The following DHX30 variants were observed in gnomAD, a reference collection of about 807,000 sequenced individuals.
DHX30 encodes the protein ATP-dependent RNA helicase DHX30.
Under a neutral mutation model 116.9 loss-of-function variants are expected in DHX30, and 4 were observed. The observed-to-expected ratio is 0.03, with a 90% CI of 0.02 to 0.08. DHX30 has a LOEUF of 0.08. DHX30 is among the 10% of genes least tolerant of loss of function. The pLI, the probability that DHX30 is intolerant of heterozygous loss-of-function variation, is 1.00. For synonymous variants in DHX30, 697 were observed against 651.7 expected (o/e 1.07, Z -1.06); for missense variants, 871 against 1,595.1 (o/e 0.55, Z 7.73).
chr3:47,814,987 G>A (rs1381238077), intron 3 of DHX30, among the ~76,000 whole-genome samples: 1 of 151,730 alleles, frequency 6.6e-6, no homozygotes, highest in African/African-American at 2.4e-5. Flanking sequence ...GCCTCCCAAA[G>A]TGTTGGGACT....
At chr3:47,832,407 G>A (rs1178646943) in intron 6 of DHX30, among the ~76,000 whole-genome samples, 4 of 152,124 alleles carry the variant, frequency 2.6e-5, no homozygotes, top group African/African-American at 9.7e-5. Flanking sequence ...GGCAGGTCTT[G>A]AACTCCAGAG....
At position 47,841,027 on chromosome 3, in the gene DHX30, A is replaced by G. The variant is rs115678925; in HGVS notation, c.517A>G (p.Ile173Val). ...TSWRQLNPES[I>V]RPGGPGGLSR... ...CTGGCGGCAGCTGAATCCAGAGAGTATTCGACCAGGGGGACCTGGGGGCCT... is the reference window on the plus strand; with the variant it reads ...CTGGCGGCAGCTGAATCCAGAGAGTGTTCGACCAGGGGGACCTGGGGGCCT... Residue 173 changes from isoleucine (I) to valine (V), a missense_variant, in exon 7 of 22, where the codon ATT becomes GTT. Physicochemically the swap from Ile to Val is conservative, Grantham distance 29. Coordinates refer to ENST00000445061, the MANE Select transcript of DHX30 (RefSeq NM_138615.3). 635 of 1,614,188 alleles carry G rather than the reference A, an allele frequency of 3.9e-4. 2 individuals carry two copies. In the African/African-American group the frequency reaches 7.7e-3, roughly 19 times the overall value.
At chr3:47,824,202 C>T (rs1456360989) in intron 4 of DHX30, among the ~76,000 whole-genome samples, 1 of 151,882 alleles carries the variant, frequency 6.6e-6, no homozygotes, top group African/African-American at 2.4e-5. Flanking sequence ...GGGGTTTCAC[C>T]ATGTTGGCCA....
chr3:47,819,126 C>A (rs941762927), intron 4 of DHX30: 1 of 943,696 alleles, frequency 1.1e-6, no homozygotes, highest in African/African-American at 1.7e-5. Context: ...TTCTAGCCCC[C>A]TGACCATTTG....
rs1176822183 is a variant in DHX30 at position 47,840,922 on chromosome 3, A to C, written c.412A>C (p.Lys138Gln). 6.2e-7 allele frequency: 1 copy of C among 1,614,238 alleles called. No individual in the cohort carries two copies. Among genetic ancestry groups the C allele is most frequent in the Non-Finnish European group, 8.5e-7 (1 of 1,180,046 alleles). The change falls in exon 7 of 22, where the codon AAA (lysine) becomes CAA (glutamine). Residue 138 changes from lysine to glutamine, a missense_variant. Physicochemically the swap from Lys to Gln is moderately conservative, Grantham distance 53. This residue lies in a region of DHX30 where 66 missense variants were observed against 153.9 expected (regional missense o/e 0.43). Coordinates refer to ENST00000445061, the MANE Select transcript of DHX30 (RefSeq NM_138615.3). ...GPRNELFDAA[K>Q]YRVLADRFGS... ...CCGGAATGAGTTGTTTGACGCAGCC[A>C]AATACCGAGTGCTAGCTGATCGCTT...
In DHX30 at chr3:47,850,022, A is replaced by T. The variant is rs776692867; in HGVS notation, c.3487A>T (p.Ser1163Cys). 125 of 1,609,814 alleles carry T rather than the reference A, an allele frequency of 7.8e-5. No homozygotes were observed. The highest frequency in any genetic ancestry group is 1.1e-5 in the Non-Finnish European group (13 of 1,178,974). The change falls in exon 22 of 22, where the codon AGC becomes TGC. Residue 1163 changes from serine (S) to cysteine (C), a missense_variant. Transcript: ENST00000445061. ...CAGCGAGCTGGCTGCACTTCCCCCC[A>T]GCGTACAGGAGGAGCACGGGCAGCT... ...LRSELAALPP[S>C]VQEEHGQLLA...
chr3:47,822,820 G>A (rs753051729), intron 4 of DHX30, among the ~76,000 whole-genome samples: 1 of 151,548 alleles, frequency 6.6e-6, no homozygotes, highest in Non-Finnish European at 1.5e-5. Context: ...AAGGCCAGGC[G>A]CAGTGGCCCA....
chr3:47,832,017 A>G (rs982038227), intron 6 of DHX30, among the ~76,000 whole-genome samples: 1 of 131,490 alleles, frequency 7.6e-6, no homozygotes, highest in Non-Finnish European at 1.6e-5. Context: ...ATGAATGGTT[A>G]TATCTGGAGG....
chr3:47,835,169 A>C (rs1195379451), intron 6 of DHX30, among the ~76,000 whole-genome samples: 1 of 128,138 alleles, frequency 7.8e-6, no homozygotes, highest in Non-Finnish European at 1.6e-5. Context: ...ATGCCTGGCT[A>C]ATTTTTTTTT....
At chr3:47,818,204 A>G in intron 4 of DHX30, 87 bp downstream of exon 4, 1 of 715,668 alleles carries the variant, frequency 1.4e-6, no homozygotes, top group South Asian at 1.5e-5. Context: ...TGCCAGGGCC[A>G]CAGCCCTCCA....
At chr3:47,818,192 G>C in intron 4 of DHX30, 75 bp downstream of exon 4, 1 of 733,748 alleles carries the variant, frequency 1.4e-6, no homozygotes, top group South Asian at 1.5e-5. Flanking sequence ...TGGGAGCCCT[G>C]GTGCCAGGGC....
chr3:47,846,063 T>A, intron 10 of DHX30, 102 bp from the exon 11 acceptor site: 1 of 1,426,588 alleles, frequency 7.0e-7, no homozygotes, highest in Non-Finnish European at 9.5e-7. Context: ...GCCCAGCGGG[T>A]TGGGCCACAA....
intron 6 of DHX30, among the ~76,000 whole-genome samples, chr3:47,839,316 C>T (rs2037260889): frequency 7.0e-6 from 1 of 142,652 alleles, no homozygotes. Flanking sequence ...GGAGTTTCGC[C>T]GGAGGTTTGC....
intron 6 of DHX30, among the ~76,000 whole-genome samples, chr3:47,832,107 T>G (rs1414189158): frequency 6.6e-6 from 1 of 151,322 alleles, no homozygotes; most frequent in Non-Finnish European, 1.5e-5. Context: ...GACAGGGTCT[T>G]ACTCTGTTGC....
At position 47,847,990 on chromosome 3, in the gene DHX30, G is replaced by T. The variant is rs376782993; in HGVS notation, c.2286+34G>T. The stretch of plus-strand genomic sequence containing the variant: ...TACCTCCTGGGCCCGGCCAACCACT[G>T]GGGGAGGGACTCCGTTTTGAGGTGG... On this transcript the variant is annotated intron_variant, in intron 14 of 21. Transcript: ENST00000445061. The surrounding 1 kb of genome is among the most constrained non-coding windows in gnomAD (Gnocchi z 5.5). The T allele has an allele frequency of 1.6e-5, 25 of 1,609,570 alleles. No individual in the cohort carries two copies. The African/African-American group carries it at 2.7e-4, about 17-fold the overall frequency.
chr3:47,829,832 A>AT (rs1468094824), intron 6 of DHX30, among the ~76,000 whole-genome samples: 1 of 151,552 alleles, frequency 6.6e-6, no homozygotes, highest in African/African-American at 2.4e-5. Context: ...CTTTTTTTAA[A>AT]TTTTTTAATT....
At chr3:47,827,517 CA>C in intron 5 of DHX30, 40 bp downstream of exon 5, 1 of 1,591,094 alleles carries the variant, frequency 6.3e-7, no homozygotes, top group Non-Finnish European at 8.5e-7. Flanking sequence ...TGGTATGACT[CA>C]GAAAGGAGGC....
chr3:47,831,464 T>G (rs2036845098), intron 6 of DHX30, among the ~76,000 whole-genome samples: 2 of 152,138 alleles, frequency 1.3e-5, no homozygotes, highest in Non-Finnish European at 1.5e-5. Context: ...ACTGTAACAG[T>G]GCCCTTTTCT....
chr3:47,818,250 A>C (rs2036146416), intron 4 of DHX30, 133 bp downstream of exon 4: 8 of 658,956 alleles, frequency 1.2e-5, no homozygotes, highest in Non-Finnish European at 1.9e-5. Flanking sequence ...TAGCAGAGCT[A>C]TTGGAGCCCT....
Sources: gnomAD v4.1 joint callset for allele counts (sites outside exome capture counted in the v4.1 genomes callset) on GRCh38, gnomAD v4.1.1 for gene constraint, gnomAD v4.1.1 regional missense constraint, Gnocchi (gnomAD v3.1) non-coding constraint, MANE v1.5 for transcripts, NCBI Gene and HGNC (gene_info 2026-07-23, HGNC 2026-07-21) for gene names.